KIF26B: variants seen among roughly 807,000 people sequenced by gnomAD.
KIF26B encodes kinesin family member 26B.
A neutral mutation model predicts 151.2 loss-of-function variants in KIF26B; 63 were observed. That is an observed-to-expected ratio of 0.42 (90% confidence interval 0.34 to 0.51). The LOEUF (loss-of-function observed/expected upper bound fraction) is 0.51. Among genes scored for constraint, KIF26B ranks in the 20% least tolerant of loss-of-function variants. KIF26B has a pLI of 0.07. For missense variants in KIF26B, 2,813 were observed against 2,913.6 expected (o/e 0.97, Z 0.79); for synonymous variants, 1,357 against 1,262.1 (o/e 1.08, Z -1.59).
At chr1:245,341,325 T>G (rs1030726644) in intron 2 of KIF26B, among the ~76,000 whole-genome samples, 1 of 96,530 alleles carries the variant, frequency 1.0e-5, no homozygotes, top group Non-Finnish European at 1.8e-5. Flanking sequence ...TTTTTTTTTT[T>G]TTTTTTTTTT....
intron 2 of KIF26B, among the ~76,000 whole-genome samples, chr1:245,286,281 T>C (rs113625882): frequency 4.3e-4 from 65 of 152,234 alleles, no homozygotes; most frequent in Middle Eastern, 3.4e-3. Flanking sequence ...ATGCCTGTAA[T>C]CTCAGCACTT....
intron 4 of KIF26B, among the ~76,000 whole-genome samples, chr1:245,532,402 T>A (rs111939602): frequency 6.6e-6 from 1 of 151,546 alleles, no homozygotes; most frequent in East Asian, 1.9e-4. Context: ...CCCGCCACCA[T>A]GCCCAGCTAA....
intron 3 of KIF26B, among the ~76,000 whole-genome samples, chr1:245,378,095 T>C (rs2103016071): frequency 6.6e-6 from 1 of 152,292 alleles, no homozygotes; most frequent in South Asian, 2.1e-4. Flanking sequence ...TGAGAGTAGA[T>C]AAATTTAAGT....
chr1:245,302,152 G>A (rs1232522737), intron 2 of KIF26B, among the ~76,000 whole-genome samples: 1 of 152,132 alleles, frequency 6.6e-6, no homozygotes, highest in Non-Finnish European at 1.5e-5. Context: ...CATCTTTCCC[G>A]CATTTCTAAT....
chr1:245,688,391 C>G lies in KIF26B; in HGVS notation c.5408C>G (p.Ala1803Gly). 1 of 1,517,722 alleles carries G rather than the reference C, an allele frequency of 6.6e-7. No individual in the cohort carries two copies. The highest frequency in any genetic ancestry group is 8.8e-7 in the Non-Finnish European group (1 of 1,140,096). 94.0% of individuals were successfully genotyped at this position (1,517,722 alleles called of 1,614,324 possible). ...CTGGCCTCCAAGCTTCCCCTGCGGGCCGTCAGCGGGCGCATCTCGGAGCTG... is the reference window on the plus strand; with the variant it reads ...CTGGCCTCCAAGCTTCCCCTGCGGGGCGTCAGCGGGCGCATCTCGGAGCTG... ...SGLASKLPLR[A>G]VSGRISELLQ... Residue 1803 changes from alanine to glycine, a missense_variant, in exon 12 of 15, where the codon GCC (alanine) becomes GGC (glycine). Physicochemically the swap from Ala to Gly is moderately conservative, Grantham distance 60. Transcript: ENST00000407071.
intron 1 of KIF26B, 96 bp downstream of exon 1, chr1:245,155,583 C>A: frequency 8.7e-7 from 1 of 1,146,692 alleles, no homozygotes; most frequent in Non-Finnish European, 1.2e-6. Context: ...GCCCCGAGCT[C>A]TCCCCCGCTG....
intron 10 of KIF26B, among the ~76,000 whole-genome samples, chr1:245,655,045 A>C (rs1381640811): frequency 6.6e-6 from 1 of 152,228 alleles, no homozygotes; most frequent in Non-Finnish European, 1.5e-5. Context: ...CTGAGCTCCC[A>C]GAGAAGTATG....
intron 2 of KIF26B, among the ~76,000 whole-genome samples, chr1:245,243,037 A>G (rs374992456): frequency 3.3e-5 from 5 of 152,222 alleles, no homozygotes; most frequent in African/African-American, 1.2e-4. Context: ...ATTCTTGCAT[A>G]TGTATTCTTT....
chr1:245,217,180 G>A (rs1669663947), intron 2 of KIF26B, among the ~76,000 whole-genome samples: 1 of 152,034 alleles, frequency 6.6e-6, no homozygotes, highest in African/African-American at 2.4e-5. Flanking sequence ...AGGAGAAAAG[G>A]GTGTCAATGG....
At chr1:245,649,401 T>C (rs984509971) in intron 10 of KIF26B, among the ~76,000 whole-genome samples, 4 of 152,056 alleles carry the variant, frequency 2.6e-5, no homozygotes, top group African/African-American at 7.2e-5. Flanking sequence ...TCCCGAAATG[T>C]CGGAGCTGCC....
Position 245,662,129 on chromosome 1 carries a change from T to C in KIF26B, c.2258+15849T>C, listed in dbSNP as rs996470523. Among the ~76,000 whole-genome samples, 7 of 150,744 alleles carry C rather than the reference T, an allele frequency of 4.6e-5. No individual in the cohort carries two copies. The South Asian group carries it at 1.5e-3, about 32-fold the overall frequency. The stretch of plus-strand genomic sequence containing the variant: ...CAATATATATATATACCCAATGATA[T>C]ATACATACACACACCCCATATATAT... On this transcript the variant is annotated intron_variant, in intron 10 of 14. Coordinates refer to ENST00000407071, the MANE Select transcript of KIF26B (RefSeq NM_018012.4).
chr1:245,416,112 C>CAAAAAAAAAAA (rs375247191), intron 3 of KIF26B, among the ~76,000 whole-genome samples: 2 of 124,878 alleles, frequency 1.6e-5, no homozygotes, highest in African/African-American at 6.1e-5. Flanking sequence ...AGTAAAAATA[C>CAAAAAAAAAAA]AAAAAAAAAA....
intron 10 of KIF26B, among the ~76,000 whole-genome samples, chr1:245,650,354 A>G (rs1361556656): frequency 6.6e-6 from 1 of 152,252 alleles, no homozygotes; most frequent in Non-Finnish European, 1.5e-5. Flanking sequence ...AAGCGTTGAA[A>G]TGACTTCTCA....
intron 5 of KIF26B, among the ~76,000 whole-genome samples, chr1:245,565,416 G>C (rs2043000338): frequency 6.6e-6 from 1 of 152,074 alleles, no homozygotes. Flanking sequence ...AGCCTCCTGA[G>C]TAGCTGGGAC....
intron 4 of KIF26B, among the ~76,000 whole-genome samples, chr1:245,480,382 CAG>C (rs1660140536): frequency 6.6e-6 from 1 of 151,676 alleles, no homozygotes. Flanking sequence ...GACCCACAGT[CAG>C]GGGTCAGTCT....
At chr1:245,410,276 G>A (rs901380684) in intron 3 of KIF26B, among the ~76,000 whole-genome samples, 1 of 152,148 alleles carries the variant, frequency 6.6e-6, no homozygotes. Flanking sequence ...CATCTATAGA[G>A]GCATATCAGT....
intron 3 of KIF26B, among the ~76,000 whole-genome samples, chr1:245,388,712 T>C (rs1673613217): frequency 6.6e-6 from 1 of 152,226 alleles, no homozygotes; most frequent in Admixed American, 6.5e-5. Context: ...TTCAGCACTG[T>C]GATCAATCTG....
rs899904529 is a variant in KIF26B at position 245,249,586 on chromosome 1, A to G, written c.465+92903A>G. Among the ~76,000 whole-genome samples, 23 of 143,186 alleles carry G rather than the reference A, an allele frequency of 1.6e-4. No individual in the cohort carries two copies. In the Admixed American group the frequency reaches 1.7e-3, roughly 10 times the overall value. 93.9% of individuals were successfully genotyped at this position (143,186 alleles called of 152,430 possible). On this transcript the variant is annotated intron_variant, in intron 2 of 14. Coordinates refer to ENST00000407071, the MANE Select transcript of KIF26B (RefSeq NM_018012.4). Reference sequence around the variant, plus strand: ...CACTGCAACCTCCACTTCCCGGGTTAATTATCCTGCCTCAGCCTCCCTAGT... The same window carrying G: ...CACTGCAACCTCCACTTCCCGGGTTGATTATCCTGCCTCAGCCTCCCTAGT...
At chr1:245,270,224 T>TC (rs1161741201) in intron 2 of KIF26B, among the ~76,000 whole-genome samples, 4 of 143,898 alleles carry the variant, frequency 2.8e-5, no homozygotes, top group African/African-American at 1.0e-4. Context: ...TTCCCTTCCT[T>TC]CTTCCTTTCC....
Sources: gnomAD v4.1 joint callset for allele counts (sites outside exome capture counted in the v4.1 genomes callset) on GRCh38, gnomAD v4.1.1 for gene constraint, MANE v1.5 for transcripts, NCBI Gene and HGNC (gene_info 2026-07-23, HGNC 2026-07-21) for gene names.